Variants in ATP2B1 observed in about 807,000 individuals in gnomAD.
ATP2B1 encodes the protein plasma membrane calcium-transporting ATPase 1.
In ATP2B1, 14 loss-of-function variants were observed where a neutral mutation model predicts 124.2. The ratio of observed to expected loss-of-function variants is 0.11; its 90% confidence interval spans 0.07 to 0.18. The LOEUF is 0.18. Ranked by LOEUF, ATP2B1 falls within the 10% of genes least tolerant of loss-of-function variation. ATP2B1 has a pLI of 1.00. For synonymous variants in ATP2B1, 449 were observed against 492.4 expected, an observed-to-expected ratio of 0.91 and a Z score of 1.17; for missense variants, 763 against 1,466.1, an observed-to-expected ratio of 0.52 and a Z score of 7.83.
At chr12:89,653,550 G>T (rs1220837447) in intron 2 of ATP2B1, among the ~76,000 whole-genome samples, 2 of 151,878 alleles carry the variant, frequency 1.3e-5, no homozygotes, top group Non-Finnish European at 2.9e-5. Flanking sequence ...ACCCGCCTCG[G>T]CCTCCCAAAG....
chr12:89,602,958 A>T, intron 18 of ATP2B1, 85 bp downstream of exon 18: 2 of 1,211,026 alleles, frequency 1.7e-6, no homozygotes, highest in Non-Finnish European at 2.4e-6. Context: ...CACATGTTCC[A>T]CACAAGTGAT....
intron 18 of ATP2B1, 151 bp downstream of exon 18, chr12:89,602,892 T>C: frequency 1.6e-6 from 1 of 644,824 alleles, no homozygotes; most frequent in Non-Finnish European, 2.6e-6. Flanking sequence ...CCATATTCTT[T>C]AACATATACC....
intron 1 of ATP2B1, among the ~76,000 whole-genome samples, chr12:89,678,715 G>C (rs1397135508): frequency 6.6e-6 from 1 of 152,058 alleles, no homozygotes; most frequent in East Asian, 1.9e-4. Flanking sequence ...TGCCAGAAAG[G>C]CTCAATTTCA....
chr12:89,643,979 G>A (rs1884048619), intron 2 of ATP2B1, among the ~76,000 whole-genome samples: 2 of 152,222 alleles, frequency 1.3e-5, no homozygotes, highest in South Asian at 2.1e-4. Flanking sequence ...AAAATTAACC[G>A]GGTATGGTGG....
intron 1 of ATP2B1, among the ~76,000 whole-genome samples, chr12:89,687,022 G>C (rs1410424338): frequency 1.3e-5 from 2 of 152,012 alleles, no homozygotes; most frequent in African/African-American, 4.8e-5. Context: ...GAAAAAAAAG[G>C]ATGTGTCTGA....
At chr12:89,681,606 T>C (rs1889362332) in intron 1 of ATP2B1, among the ~76,000 whole-genome samples, 1 of 152,116 alleles carries the variant, frequency 6.6e-6, no homozygotes, top group African/African-American at 2.4e-5. Flanking sequence ...AGAGAAAATT[T>C]AGACCAACAT....
intron 1 of ATP2B1, among the ~76,000 whole-genome samples, chr12:89,688,364 A>C (rs1890186712): frequency 6.6e-6 from 1 of 152,146 alleles, no homozygotes; most frequent in Non-Finnish European, 1.5e-5. Flanking sequence ...AGACTCACAT[A>C]AATTTTTTCA....
intron 1 of ATP2B1, among the ~76,000 whole-genome samples, chr12:89,682,038 C>T (rs1889418815): frequency 6.6e-6 from 1 of 151,930 alleles, no homozygotes. Flanking sequence ...TTCAATGAAA[C>T]AACTAAATAT....
intron 1 of ATP2B1, among the ~76,000 whole-genome samples, chr12:89,658,005 G>A (rs1886158485): frequency 6.6e-6 from 1 of 152,108 alleles, no homozygotes; most frequent in Non-Finnish European, 1.5e-5. Flanking sequence ...GGCAAAGTGG[G>A]TTCCCTCCTA....
At chr12:89,654,217 G>A (rs548787909) in intron 2 of ATP2B1, among the ~76,000 whole-genome samples, 126 of 152,140 alleles carry the variant, frequency 8.3e-4, no homozygotes, top group African/African-American at 2.9e-3. Context: ...AACTGTTCCC[G>A]ATACTCTTAG....
chr12:89,685,899 A>G (rs576525241), intron 1 of ATP2B1, among the ~76,000 whole-genome samples: 45 of 152,212 alleles, frequency 3.0e-4, no homozygotes, highest in Non-Finnish European at 5.1e-4. Flanking sequence ...CAGCAAGAAG[A>G]AGGCCATCAG....
intron 1 of ATP2B1, among the ~76,000 whole-genome samples, chr12:89,685,049 T>C (rs1889798647): frequency 6.6e-6 from 1 of 152,132 alleles, no homozygotes; most frequent in Admixed American, 6.6e-5. Context: ...CTACCTAATT[T>C]GTATTTCTCA....
chr12:89,672,676 C>T (rs1043852549), intron 1 of ATP2B1, among the ~76,000 whole-genome samples: 1 of 152,128 alleles, frequency 6.6e-6, no homozygotes, highest in Non-Finnish European at 1.5e-5. Context: ...TATGTACTTT[C>T]TGCCTCTCTC....
chr12:89,648,014 G>A lies in ATP2B1; in HGVS notation c.209-5659C>T, dbSNP rs541389399. Among the ~76,000 whole-genome samples, 72 of 152,290 alleles carry A rather than the reference G, an allele frequency of 4.7e-4. 1 individual carries two copies. Among genetic ancestry groups the A allele is most frequent in the South Asian group, 1.9e-3 (9 of 4,826 alleles). ...CAGTGCCATGCTACCTGTATAGCCC[G>A]CAGAATTGTGAGCCCATTAAATCTC... On this transcript the variant is annotated intron_variant, in intron 2 of 20. Transcript: ENST00000428670.
intron 15 of ATP2B1, among the ~76,000 whole-genome samples, chr12:89,606,027 T>C (rs1357557550): frequency 6.6e-6 from 1 of 152,046 alleles, no homozygotes; most frequent in Non-Finnish European, 1.5e-5. Context: ...ATAGGGAACA[T>C]AAAAAGCTGT....
chr12:89,600,615 A>G (rs1875606906), intron 19 of ATP2B1, among the ~76,000 whole-genome samples: 1 of 151,112 alleles, frequency 6.6e-6, no homozygotes, highest in African/African-American at 2.4e-5. Flanking sequence ...TATGCTGCAT[A>G]TTGGATTAAA....
At chr12:89,647,651 CTGTA>C (rs1032530281) in intron 2 of ATP2B1, among the ~76,000 whole-genome samples, 12 of 152,080 alleles carry the variant, frequency 7.9e-5, no homozygotes, top group Admixed American at 3.9e-4. Flanking sequence ...ATATGTGTGT[CTGTA>C]TGTGTTTATA....
chr12:89,610,576 C>A, intron 13 of ATP2B1, 68 bp from the exon 14 acceptor site: 2 of 1,260,258 alleles, frequency 1.6e-6, no homozygotes, highest in South Asian at 2.4e-5. Context: ...AGCTATCTGG[C>A]ATATTTATCA....
rs1316723974 is a variant in ATP2B1, at chr12:89,603,292, A to G, written c.2849-38T>C. 2 of 1,472,586 alleles carry G rather than the reference A, an allele frequency of 1.4e-6. No homozygotes were observed. The highest frequency in any genetic ancestry group is 4.8e-5 in the East Asian group (2 of 41,472). The allele number at this position is 1,472,586 out of a possible 1,614,324, so 91.2% of individuals were successfully genotyped here. A position where few individuals can be genotyped will look rare whatever the true frequency, so the allele number is the denominator to read the frequency against. On this transcript the variant is annotated intron_variant, in intron 17 of 20. Coordinates refer to ENST00000428670, the MANE Select transcript of ATP2B1 (RefSeq NM_001366521.1). The surrounding 1 kb of genome is among the most constrained non-coding windows in gnomAD (Gnocchi z 4.3). ...AAAATGACTATTTTGTAATTATCAT[A>G]CCAAATTAGATTTCAAGGAGGTATA...
Sources: allele counts gnomAD v4.1 joint callset (sites outside exome capture counted in the v4.1 genomes callset), GRCh38; gene constraint gnomAD v4.1.1; non-coding constraint Gnocchi (gnomAD v3.1); transcripts MANE v1.5; gene names NCBI Gene and HGNC (gene_info 2026-07-23, HGNC 2026-07-21).